ADAMTS16: variants seen among roughly 807,000 people sequenced by gnomAD.
ADAMTS16 encodes the protein ADAM metallopeptidase with thrombospondin type 1 motif 16, also known as A disintegrin and metalloproteinase with thrombospondin motifs 16.
In ADAMTS16, 94 loss-of-function variants were observed where a neutral mutation model predicts 145.8. That is an observed-to-expected ratio of 0.64 (90% CI 0.55 to 0.77). ADAMTS16 has a LOEUF of 0.77. Ranked by LOEUF, ADAMTS16 falls within the 30% of genes least tolerant of loss-of-function variation. The probability of loss-of-function intolerance (pLI) is 0.00; values close to 1 mark genes in which losing one functional copy is unlikely to be tolerated. For missense variants in ADAMTS16, 1,585 were observed against 1,591.5 expected (o/e 1.00, Z 0.07); for synonymous variants, 659 against 604.3 (o/e 1.09, Z -1.33).
At chr5:5,312,912 G>A (rs752568388) in intron 21 of ADAMTS16, among the ~76,000 whole-genome samples, 8 of 152,176 alleles carry the variant, frequency 5.3e-5, no homozygotes, top group African/African-American at 1.2e-4. Flanking sequence ...AACTGAGGAC[G>A]CTGAAACTGA....
At chr5:5,182,375 C>T (rs1272568690) in intron 4 of ADAMTS16, 70 bp downstream of exon 4, 1 of 1,540,864 alleles carries the variant, frequency 6.5e-7, no homozygotes, top group East Asian at 2.3e-5. Context: ...GAAGCTTGTA[C>T]ATTTTCTTCA....
intron 2 of ADAMTS16, among the ~76,000 whole-genome samples, chr5:5,144,669 G>A (rs1483602358): frequency 6.6e-6 from 1 of 152,166 alleles, no homozygotes; most frequent in African/African-American, 2.4e-5. Flanking sequence ...TTTATTTCCT[G>A]ATATCAGCAG....
intron 17 of ADAMTS16, among the ~76,000 whole-genome samples, chr5:5,250,839 A>G (rs1453529472): frequency 1.3e-5 from 2 of 152,104 alleles, no homozygotes; most frequent in South Asian, 2.1e-4. Context: ...AATATATAAG[A>G]TGAATCAAAG....
chr5:5,262,764 G>GT lies in ADAMTS16; in HGVS notation c.2771dup (p.Ser925IlefsTer37). The GT allele has an allele frequency of 1.2e-6, 2 of 1,614,162 alleles. No homozygotes were observed. Among genetic ancestry groups the GT allele is most frequent in the Non-Finnish European group, 1.7e-6 (2 of 1,180,028 alleles). ...TGTCACGGGGCTGGTGCCTTGCAAA[G>GT]TATCTGCCTGTCCTCCCAGGTAAGA... On this transcript the variant is annotated frameshift_variant, in exon 18 of 23. Transcript: ENST00000274181. LOFTEE classifies it high-confidence loss of function.
chr5:5,314,060 T>C (rs1468795540), intron 21 of ADAMTS16, among the ~76,000 whole-genome samples: 1 of 152,186 alleles, frequency 6.6e-6, no homozygotes, highest in Non-Finnish European at 1.5e-5. Context: ...ATTCACAACG[T>C]CGGTTATGTG....
At chr5:5,191,969 G>A (rs1178378930) in intron 8 of ADAMTS16, among the ~76,000 whole-genome samples, 179 bp downstream of exon 8, 3 of 151,324 alleles carry the variant, frequency 2.0e-5, no homozygotes, top group Non-Finnish European at 4.4e-5. Context: ...GTCCCACATC[G>A]TGCAAATTTT....
At chr5:5,144,989 C>T (rs762484401) in intron 2 of ADAMTS16, among the ~76,000 whole-genome samples, 140 of 152,316 alleles carry the variant, frequency 9.2e-4, no homozygotes, top group Middle Eastern at 6.8e-3. Flanking sequence ...CTCTGTCCGT[C>T]TCCCCCAGCC....
intron 18 of ADAMTS16, among the ~76,000 whole-genome samples, chr5:5,267,692 G>A (rs544819840): frequency 6.6e-6 from 1 of 152,286 alleles, no homozygotes; most frequent in South Asian, 2.1e-4. Context: ...TAGGGCCTCA[G>A]GGTTTTTATA....
At chr5:5,295,702 A>G (rs1469217745) in intron 18 of ADAMTS16, among the ~76,000 whole-genome samples, 1 of 152,234 alleles carries the variant, frequency 6.6e-6, no homozygotes, top group East Asian at 1.9e-4. Context: ...CAGGCAGCAC[A>G]TCTAGTGTCC....
intron 10 of ADAMTS16, among the ~76,000 whole-genome samples, chr5:5,213,656 G>C (rs565456721): frequency 7.2e-5 from 11 of 152,052 alleles, no homozygotes; most frequent in Admixed American, 2.0e-4. Flanking sequence ...TGGTGTAGCC[G>C]GTACTCTCGT....
intron 8 of ADAMTS16, among the ~76,000 whole-genome samples, chr5:5,198,048 A>G (rs1327776165): frequency 6.6e-6 from 1 of 152,206 alleles, no homozygotes; most frequent in Non-Finnish European, 1.5e-5. Context: ...CTTTAAATGT[A>G]AAAGTTGAAG....
intron 3 of ADAMTS16, among the ~76,000 whole-genome samples, chr5:5,157,378 T>C (rs372272049): frequency 6.6e-6 from 1 of 151,726 alleles, no homozygotes; most frequent in Admixed American, 6.6e-5. Context: ...TTAGCAGTTT[T>C]GTAGCAAAAA....
intron 3 of ADAMTS16, among the ~76,000 whole-genome samples, chr5:5,169,562 T>A (rs918812179): frequency 6.6e-6 from 1 of 152,222 alleles, no homozygotes; most frequent in East Asian, 1.9e-4. Flanking sequence ...TCCTCCTCTG[T>A]TGCATCTGAC....
rs1736963511 is a variant in ADAMTS16, at chr5:5,232,516, A to G, written c.1850A>G (p.Lys617Arg). 6.2e-7 allele frequency: 1 copy of G among 1,612,312 alleles called. No homozygotes were observed. The highest frequency in any genetic ancestry group is 1.3e-5 in the African/African-American group (1 of 74,636). Residue 617 changes from lysine to arginine, a missense_variant and splice_region_variant, in exon 12 of 23, where the codon AAG becomes AGG. By Grantham distance (26) the Lys-to-Arg change is conservative (BLOSUM62 2). This residue lies in a region of ADAMTS16 where 834 missense variants were observed against 811.7 expected (regional missense o/e 1.03). Transcript: ENST00000274181. ...SHRSRLCTNP[K>R]PSHGGKFCEG... The stretch of plus-strand genomic sequence containing the variant: ...AGGAGTCGCCTCTGCACCAACCCCA[A>G]GTAAGTATGCCTTGACCTCCTTCCT...
chr5:5,239,377 C>T (rs66537472), intron 15 of ADAMTS16, 103 bp downstream of exon 15: 157,747 of 1,449,318 alleles, frequency 0.11, 9,401 homozygotes, highest in Admixed American at 0.22. Flanking sequence ...GACTTCCTTC[C>T]GCTGCCTCGC....
At chr5:5,231,786 G>T (rs146686133) in intron 11 of ADAMTS16, among the ~76,000 whole-genome samples, 1 of 152,196 alleles carries the variant, frequency 6.6e-6, no homozygotes, top group South Asian at 2.1e-4. Context: ...TCCAGCCTTC[G>T]TGGGGACAGA....
intron 17 of ADAMTS16, among the ~76,000 whole-genome samples, chr5:5,242,593 T>C (rs1053497461): frequency 6.6e-6 from 1 of 152,190 alleles, no homozygotes; most frequent in East Asian, 1.9e-4. Context: ...CTAACTAATC[T>C]TGTTCAAAAC....
Position 5,306,579 on chromosome 5 carries a change from C to T in ADAMTS16, c.3262C>T (p.Arg1088Ter). The change falls in exon 21 of 23, where the codon CGA becomes TGA. Residue 1088 changes from arginine to a stop codon, truncating the protein, a stop_gained. Transcript: ENST00000274181. LOFTEE classifies it high-confidence loss of function. ...CAEKYVSGKY[R>*]ELASKKCSHL... is the part of the protein sequence containing the mutation. ...TGAAAAGTATGTTTCTGGAAAGTAT[C>T]GAGAGCTGGCCTCAAAGAAGTGCTC... The T allele has an allele frequency of 1.2e-6, 2 of 1,614,184 alleles. No homozygotes were observed. The highest frequency in any genetic ancestry group is 1.7e-6 in the Non-Finnish European group (2 of 1,180,040).
At chr5:5,281,535 T>C (rs1158229420) in intron 18 of ADAMTS16, among the ~76,000 whole-genome samples, 1 of 152,228 alleles carries the variant, frequency 6.6e-6, no homozygotes, top group Non-Finnish European at 1.5e-5. Flanking sequence ...ATATAATGTG[T>C]AACAGCAACA....
Sources: gnomAD v4.1 joint callset for allele counts (sites outside exome capture counted in the v4.1 genomes callset) on GRCh38, gnomAD v4.1.1 for gene constraint, gnomAD v4.1.1 regional missense constraint, MANE v1.5 for transcripts, NCBI Gene and HGNC (gene_info 2026-07-23, HGNC 2026-07-21) for gene names.